FILIP1: variants seen among roughly 807,000 people sequenced by gnomAD.
The protein encoded by FILIP1 is filamin-A-interacting protein 1.
A neutral mutation model predicts 102.1 loss-of-function variants in FILIP1; 61 were observed. The observed-to-expected ratio is 0.60, with a 90% CI of 0.49 to 0.74. The LOEUF (loss-of-function observed/expected upper bound fraction) is 0.74, where lower values mean the gene tolerates loss of function less well. FILIP1 is among the 30% of genes least tolerant of loss of function. The pLI is 0.00. For synonymous variants in FILIP1, 491 were observed against 526.9 expected (o/e 0.93, Z 0.93); for missense variants, 1,314 against 1,441.2 (o/e 0.91, Z 1.43).
chr6:75,453,609 G>C (rs531846365), intron 1 of FILIP1, among the ~76,000 whole-genome samples: 3 of 152,222 alleles, frequency 2.0e-5, no homozygotes, highest in Admixed American at 6.5e-5. Flanking sequence ...CCAGAAGTTT[G>C]AAACCAGCCT....
At chr6:75,334,856 G>A (rs1010586479) in intron 4 of FILIP1, 5 of 152,044 alleles carry the variant, frequency 3.3e-5, no homozygotes, top group Admixed American at 2.6e-4. Flanking sequence ...TCCCTTATAT[G>A]GCTCATTATT....
In FILIP1 at chr6:75,313,365, A is replaced by T. The variant is rs1773283656; in HGVS notation, c.2467T>A (p.Phe823Ile). The change falls in exon 5 of 6, where the codon TTC (phenylalanine) becomes ATC (isoleucine). Residue 823 changes from phenylalanine to isoleucine, a missense_variant. Transcript: ENST00000237172. This position sits in a 1 kb window ranked among gnomAD's most constrained non-coding sequence, Gnocchi z 4.2. ...TCTTCCTGGAAGGATTTCCGTATGA[A>T]TACAGCTGGCGTTTCTTCCTCTGCT... The part of the protein sequence containing the change: ...EAAEEETPAV[F>I]IRKSFQEENH... 1 of 1,614,094 alleles carries T rather than the reference A, an allele frequency of 6.2e-7. No homozygotes were observed. The highest frequency in any genetic ancestry group is 1.3e-5 in the African/African-American group (1 of 74,930).
At chr6:75,486,309 C>A (rs949380142) in intron 1 of FILIP1, among the ~76,000 whole-genome samples, 3 of 152,134 alleles carry the variant, frequency 2.0e-5, no homozygotes, top group African/African-American at 7.2e-5. Context: ...ATTGCCCCAT[C>A]AACAACTGGA....
chr6:75,304,070 A>T (rs927210073), downstream of FILIP1, among the ~76,000 whole-genome samples: 6 of 152,052 alleles, frequency 3.9e-5, no homozygotes, highest in East Asian at 1.9e-4. Context: ...CATTTGGAAA[A>T]ATATATATAT....
intron 4 of FILIP1, among the ~76,000 whole-genome samples, chr6:75,332,993 C>G (rs1173751833): frequency 1.3e-5 from 2 of 152,178 alleles, no homozygotes; most frequent in Non-Finnish European, 1.5e-5. Flanking sequence ...TACTGTAAAG[C>G]TCTTAATTAA....
chr6:75,389,250 G>T (rs560904342), intron 2 of FILIP1, among the ~76,000 whole-genome samples: 1 of 152,298 alleles, frequency 6.6e-6, no homozygotes, highest in Admixed American at 6.5e-5. Flanking sequence ...AAAGCATTTT[G>T]ATGTGCTACT....
rs1253766934 is a variant in FILIP1 at position 75,315,133 on chromosome 6, G to C, written c.699C>G (p.Leu233=). The C allele has an allele frequency of 6.2e-7, 1 of 1,606,666 alleles. No individual in the cohort carries two copies. The highest frequency in any genetic ancestry group is 8.5e-7 in the Non-Finnish European group (1 of 1,178,038). ...ARKEKENAKR[L]NKLRDELVKL... is the part of the protein sequence containing the mutation. The stretch of plus-strand genomic sequence containing the variant: ...TAACAAGCTCATCTCTTAGTTTATT[G>C]AGTCGTTTAGCATTTTCCTTTTCTT... The change falls in exon 5 of 6, where the codon CTC becomes CTG. Residue 233 remains leucine, a synonymous_variant. Coordinates refer to ENST00000237172, the MANE Select transcript of FILIP1 (RefSeq NM_015687.5).
intron 3 of FILIP1, chr6:75,360,998 A>G (rs552929324): frequency 5.3e-5 from 8 of 152,210 alleles, no homozygotes; most frequent in African/African-American, 1.7e-4. Flanking sequence ...TTCTCCTTCT[A>G]TCATTCTATT....
chr6:75,387,935 T>G lies in FILIP1; in HGVS notation c.277-25018A>C, dbSNP rs141906416. The stretch of plus-strand genomic sequence containing the variant: ...GCTTTTGTTGCCATTGCTTTTGGTG[T>G]TTTAGTCATGAAGTCTTTGCCCATG... On this transcript the variant is annotated intron_variant, in intron 2 of 5. Coordinates refer to ENST00000237172, the MANE Select transcript of FILIP1 (RefSeq NM_015687.5). 1.0e-3 allele frequency among the ~76,000 whole-genome samples: 156 copies of G among 152,314 alleles called. 1 individual carries two copies. The highest frequency in any genetic ancestry group is 1.4e-3 in the Non-Finnish European group (94 of 68,020).
downstream of FILIP1, among the ~76,000 whole-genome samples, chr6:75,305,589 A>G (rs1424505049): frequency 6.6e-6 from 1 of 152,214 alleles, no homozygotes; most frequent in African/African-American, 2.4e-5. Context: ...TGACCTAGAT[A>G]TATAGCTCAC....
At chr6:75,441,417 T>TCTTTTCCCCAC in intron 1 of FILIP1, among the ~76,000 whole-genome samples, 1 of 152,170 alleles carries the variant, frequency 6.6e-6, no homozygotes, top group South Asian at 2.1e-4. Flanking sequence ...GATTTCTCAA[T>TCTTTTCCCCAC]CTTTTCCCCA....
intron 2 of FILIP1, among the ~76,000 whole-genome samples, chr6:75,409,366 C>A (rs752297438): frequency 3.3e-5 from 5 of 152,198 alleles, no homozygotes; most frequent in East Asian, 1.9e-4. Flanking sequence ...TTTTATAGAA[C>A]CTTGAAACCT....
rs1774881752 is a variant in FILIP1, at chr6:75,353,530, G to C, written c.629+9C>G. On this transcript the variant is annotated intron_variant, in intron 4 of 5. Transcript: ENST00000237172. ...TCCAGATGTGACTGGTGGTGTGTGT[G>C]CACATTACCTCTCCCGCTCCTGCTC... The C allele has an allele frequency of 6.2e-7, 1 of 1,613,806 alleles. No individual in the cohort carries two copies. Among genetic ancestry groups the C allele is most frequent in the African/African-American group, 1.3e-5 (1 of 74,936 alleles).
At chr6:75,477,316 C>G (rs1459640381) in intron 1 of FILIP1, among the ~76,000 whole-genome samples, 3 of 151,982 alleles carry the variant, frequency 2.0e-5, no homozygotes, top group Non-Finnish European at 4.4e-5. Flanking sequence ...TTAAAGGGTA[C>G]AGAATTTCAG....
intron 2 of FILIP1, among the ~76,000 whole-genome samples, chr6:75,385,283 T>C (rs1175586414): frequency 6.6e-6 from 1 of 152,186 alleles, no homozygotes; most frequent in Non-Finnish European, 1.5e-5. Flanking sequence ...TAGGAATTAA[T>C]TCATATGCTA....
intron 1 of FILIP1, among the ~76,000 whole-genome samples, chr6:75,477,894 A>G (rs969607950): frequency 2.0e-5 from 3 of 152,252 alleles, no homozygotes; most frequent in Non-Finnish European, 4.4e-5. Context: ...CAAATGGACA[A>G]TGGGAAGAAT....
chr6:75,319,559 G>C (rs1241812970), intron 4 of FILIP1: 1 of 533,722 alleles, frequency 1.9e-6, no homozygotes, highest in Non-Finnish European at 3.6e-6. Flanking sequence ...GGCCGGGCCC[G>C]GTGGCTCACG....
intron 4 of FILIP1, among the ~76,000 whole-genome samples, chr6:75,346,371 G>A (rs1774585273): frequency 6.6e-6 from 1 of 152,070 alleles, no homozygotes; most frequent in Admixed American, 6.6e-5. Context: ...TTAATCAGAG[G>A]CTGTTAGCTC....
intron 4 of FILIP1, among the ~76,000 whole-genome samples, chr6:75,347,135 A>G (rs1400118603): frequency 2.6e-5 from 4 of 152,206 alleles, no homozygotes; most frequent in African/African-American, 9.6e-5. Context: ...CACTTTTATC[A>G]GAAGGTAAGA....
Sources: gnomAD v4.1 joint callset for allele counts (sites outside exome capture counted in the v4.1 genomes callset) on GRCh38, gnomAD v4.1.1 for gene constraint, Gnocchi (gnomAD v3.1) non-coding constraint, MANE v1.5 for transcripts, NCBI Gene and HGNC (gene_info 2026-07-23, HGNC 2026-07-21) for gene names.